Variants in C12orf42 observed in about 807,000 individuals in gnomAD.
The protein encoded by C12orf42 is chromosome 12 open reading frame 42.
A neutral mutation model predicts 21.6 loss-of-function variants in C12orf42; 25 were observed. The ratio of observed to expected loss-of-function variants is 1.16; its 90% CI spans 0.84 to 1.62. The LOEUF (loss-of-function observed/expected upper bound fraction) is 1.62, where lower values mean the gene tolerates loss of function less well. C12orf42 is among the 40% of genes most tolerant of loss of function. C12orf42 has a pLI of 0.00. For missense variants in C12orf42, 483 were observed against 459.3 expected, an observed-to-expected ratio of 1.05 and a Z score of -0.47; for synonymous variants, 174 against 175.0, an observed-to-expected ratio of 0.99 and a Z score of 0.05.
chr12:103,380,908 A>G (rs1486044076), intron 3 of C12orf42, among the ~76,000 whole-genome samples: 1 of 152,182 alleles, frequency 6.6e-6, no homozygotes, highest in African/African-American at 2.4e-5. Context: ...TAACTTGTCC[A>G]TCTGGCTCCC....
intron 2 of C12orf42, among the ~76,000 whole-genome samples, chr12:103,471,239 G>A (rs1027378566): frequency 2.0e-5 from 3 of 152,010 alleles, no homozygotes; most frequent in Non-Finnish European, 4.4e-5. Flanking sequence ...GTGTTTCATG[G>A]TTGCATTGAA....
chr12:103,429,456 A>G (rs1006752969), intron 2 of C12orf42, among the ~76,000 whole-genome samples: 2 of 152,222 alleles, frequency 1.3e-5, no homozygotes, highest in African/African-American at 4.8e-5. Context: ...ACCATTGCTC[A>G]AGGAAATAAG....
chr12:103,311,037 C>G (rs1465247678), intron 4 of C12orf42, among the ~76,000 whole-genome samples: 1 of 152,118 alleles, frequency 6.6e-6, no homozygotes, highest in African/African-American at 2.4e-5. Flanking sequence ...CCTTAAAGGT[C>G]ATCTGAGGCT....
chr12:103,368,048 T>TTAGGTAG (rs1444193094), intron 4 of C12orf42: 1 of 1,282,876 alleles, frequency 7.8e-7, no homozygotes, highest in African/African-American at 1.5e-5. Context: ...TCATTATCTC[T>TTAGGTAG]TAGGTAGTAA....
chr12:103,258,256 T>C (rs970346000), intron 10 of C12orf42, among the ~76,000 whole-genome samples: 28 of 152,066 alleles, frequency 1.8e-4, no homozygotes, highest in Non-Finnish European at 3.1e-4. Flanking sequence ...AAATAATAGC[T>C]TAAGAAGAGA....
chr12:103,268,903 A>C (rs1168832909), exon 7 of C12orf42: 1 of 152,090 alleles, frequency 6.6e-6, no homozygotes, highest in East Asian at 1.9e-4. Flanking sequence ...CCATTATTTG[A>C]ATAAGTATCT....
the C12orf42 span, among the ~76,000 whole-genome samples, chr12:103,163,390 A>G: frequency 6.6e-6 from 1 of 152,168 alleles, no homozygotes; most frequent in African/African-American, 2.4e-5. Flanking sequence ...TTTAAGGAGT[A>G]AAAATGCCTC....
At chr12:103,485,115 C>T (rs941594950) in intron 1 of C12orf42, among the ~76,000 whole-genome samples, 3 of 151,984 alleles carry the variant, frequency 2.0e-5, no homozygotes, top group Non-Finnish European at 2.9e-5. Context: ...GTGATCTGCC[C>T]GCCTCGGCCT....
chr12:103,443,287 C>T (rs77677127), intron 2 of C12orf42, among the ~76,000 whole-genome samples: 4,262 of 152,200 alleles, frequency 0.028, 178 homozygotes, highest in African/African-American at 0.096. Context: ...AATGAGCCCT[C>T]AACCAGTGGC....
At chr12:103,555,237 G>T in the C12orf42 span, among the ~76,000 whole-genome samples, 1 of 152,142 alleles carries the variant, frequency 6.6e-6, no homozygotes, top group East Asian at 1.9e-4. Flanking sequence ...ACAGTTTCAC[G>T]TGGCTGGGGA....
intron 4 of C12orf42, among the ~76,000 whole-genome samples, chr12:103,292,802 T>C (rs1042295927): frequency 1.3e-5 from 2 of 152,010 alleles, no homozygotes; most frequent in African/African-American, 4.8e-5. Flanking sequence ...CTAAAGAAAA[T>C]ATATCCCTAA....
intron 2 of C12orf42, 133 bp from the exon 3 acceptor site, chr12:103,401,808 C>T (rs2138701057): frequency 2.6e-6 from 2 of 780,236 alleles, no homozygotes; most frequent in South Asian, 3.3e-5. Flanking sequence ...TCACTGAGTA[C>T]CCGATATTGC....
At position 103,339,793 on chromosome 12, in the gene C12orf42, A is replaced by G. The variant is rs142629545; in HGVS notation, c.259+29094T>C. Among the ~76,000 whole-genome samples the G allele has an allele frequency of 8.8e-3, 1,339 of 152,332 alleles. 20 individuals carry two copies. Among genetic ancestry groups the G allele is most frequent in the African/African-American group, 0.03 (1,259 of 41,564 alleles). ...GTTATATTTCATTTAGGTGCTATGG[A>G]TACTCTAACAAGATCATAGCATTTT... On this transcript the variant is annotated intron_variant, in intron 4 of 5. Transcript: ENST00000548883.
At chr12:103,150,849 T>C in the C12orf42 span, among the ~76,000 whole-genome samples, 1 of 152,226 alleles carries the variant, frequency 6.6e-6, no homozygotes, top group Non-Finnish European at 1.5e-5. Flanking sequence ...ATATTTTTCA[T>C]CATCACCATT....
At chr12:103,311,210 G>A (rs1593377820) in intron 4 of C12orf42, among the ~76,000 whole-genome samples, 1 of 152,198 alleles carries the variant, frequency 6.6e-6, no homozygotes, top group East Asian at 1.9e-4. Context: ...GTGTGTGTGT[G>A]TGTATTCCTT....
At chr12:103,464,901 C>T (rs981299048) in intron 2 of C12orf42, among the ~76,000 whole-genome samples, 4 of 152,128 alleles carry the variant, frequency 2.6e-5, no homozygotes, top group African/African-American at 4.8e-5. Flanking sequence ...TTTCTGAGAT[C>T]TCTATTCTGT....
chr12:103,479,324 G>C (rs1313962835), intron 1 of C12orf42, among the ~76,000 whole-genome samples: 1 of 152,004 alleles, frequency 6.6e-6, no homozygotes, highest in Non-Finnish European at 1.5e-5. Flanking sequence ...TCAATCAATA[G>C]GAAGTTAAGG....
chr12:103,240,602 A>C (rs1181226081), intron 10 of C12orf42, among the ~76,000 whole-genome samples: 1 of 152,146 alleles, frequency 6.6e-6, no homozygotes, highest in African/African-American at 2.4e-5. Flanking sequence ...TGGAGTCTTT[A>C]TTTAATGCCA....
At chr12:103,470,618 T>C (rs534168189) in intron 2 of C12orf42, among the ~76,000 whole-genome samples, 11 of 152,198 alleles carry the variant, frequency 7.2e-5, no homozygotes, top group Non-Finnish European at 1.6e-4. Context: ...CTTTGACCAA[T>C]AGAGTATGGA....
Sources: gnomAD v4.1 joint callset for allele counts (sites outside exome capture counted in the v4.1 genomes callset) on GRCh38, gnomAD v4.1.1 for gene constraint, MANE v1.5 for transcripts, NCBI Gene and HGNC (gene_info 2026-07-23, HGNC 2026-07-21) for gene names.